The following RANBP17 variants were observed in gnomAD, a reference collection of about 807,000 sequenced individuals.
RANBP17 encodes the protein RAN binding protein 17.
RANBP17 carries 158 observed loss-of-function variants against 141.2 expected under a neutral mutation model. That is an observed-to-expected ratio of 1.12 (90% CI 0.98 to 1.28). The LOEUF (loss-of-function observed/expected upper bound fraction) is 1.28, where lower values mean the gene tolerates loss of function less well. Ranked by LOEUF, RANBP17 falls within the 50% of genes most tolerant of loss-of-function variation. The pLI is 0.00. For missense variants in RANBP17, 1,438 were observed against 1,290.7 expected, an observed-to-expected ratio of 1.11 and a Z score of -1.75; for synonymous variants, 430 against 450.0, an observed-to-expected ratio of 0.96 and a Z score of 0.56.
intron 14 of RANBP17, among the ~76,000 whole-genome samples, chr5:171,005,764 A>G (rs1452126985): frequency 2.0e-5 from 3 of 152,224 alleles, no homozygotes; most frequent in South Asian, 4.1e-4. Context: ...TAAACTAAAG[A>G]GCTTCTGCAC....
In RANBP17 at chr5:171,205,612, T is replaced by A. The variant is rs1377414942; in HGVS notation, c.2231T>A (p.Met744Lys). Residue 744 changes from methionine to lysine, a missense_variant and splice_region_variant, in exon 20 of 28, where the codon ATG becomes AAG. Transcript: ENST00000523189. Reference sequence around the variant, plus strand: ...AGCTACACCATGCTGTTTGACTGGATGTATCCTTATTACACTGTGACAATA... The same window carrying A: ...AGCTACACCATGCTGTTTGACTGGAAGTATCCTTATTACACTGTGACAATA... The part of the protein sequence containing the change: ...KTSYTMLFDW[M>K]YPTYLPLLQN... 6.2e-7 allele frequency: 1 copy of A among 1,611,408 alleles called. No individual in the cohort carries two copies. Among genetic ancestry groups the A allele is most frequent in the Admixed American group, 1.7e-5 (1 of 59,976 alleles).
chr5:171,078,319 C>T (rs189506285), intron 14 of RANBP17, among the ~76,000 whole-genome samples: 6 of 152,056 alleles, frequency 3.9e-5, no homozygotes, highest in African/African-American at 7.2e-5. Context: ...CCTGCCACCA[C>T]GCCCAGCTAA....
At chr5:170,920,773 T>G (rs1336625191) in intron 11 of RANBP17, among the ~76,000 whole-genome samples, 1 of 152,192 alleles carries the variant, frequency 6.6e-6, no homozygotes, top group Non-Finnish European at 1.5e-5. Context: ...TTCCTGACTT[T>G]TTAATGATCA....
intron 14 of RANBP17, among the ~76,000 whole-genome samples, chr5:171,146,501 T>G (rs1353779499): frequency 6.6e-6 from 1 of 152,090 alleles, no homozygotes; most frequent in Non-Finnish European, 1.5e-5. Context: ...TGGTAATTGT[T>G]GGGACAGAAA....
intron 25 of RANBP17, among the ~76,000 whole-genome samples, chr5:171,287,777 A>C (rs1036007610): frequency 6.6e-6 from 1 of 152,026 alleles, no homozygotes; most frequent in African/African-American, 2.4e-5. Context: ...CGCAGACTGG[A>C]GTACAGTGGC....
At chr5:170,863,116 C>T (rs926882496) in intron 1 of RANBP17, among the ~76,000 whole-genome samples, 2 of 152,110 alleles carry the variant, frequency 1.3e-5, no homozygotes, top group Non-Finnish European at 2.9e-5. Context: ...AGGGAACTTG[C>T]AGTCTACTGG....
Position 171,175,616 on chromosome 5 carries a change from G to A in RANBP17, c.1865+4330G>A, listed in dbSNP as rs556968571. Reference sequence around the variant, plus strand: ...AAAACAACCCCATCAAAAAGTGGGCGAAGGATAGGAACAGACACTTCTCAA... The same window carrying A: ...AAAACAACCCCATCAAAAAGTGGGCAAAGGATAGGAACAGACACTTCTCAA... On this transcript the variant is annotated intron_variant, in intron 16 of 27. Transcript: ENST00000523189. Among the ~76,000 whole-genome samples, 53 of 152,112 alleles carry A rather than the reference G, an allele frequency of 3.5e-4. No homozygotes were observed. In the East Asian group the frequency reaches 4.6e-3, roughly 13 times the overall value.
chr5:171,162,621 C>T (rs1208707509), intron 14 of RANBP17, among the ~76,000 whole-genome samples: 1 of 152,126 alleles, frequency 6.6e-6, no homozygotes, highest in Non-Finnish European at 1.5e-5. Flanking sequence ...GAAACTGACT[C>T]AGAAATATCT....
At chr5:171,166,944 G>T (rs146153759) in intron 14 of RANBP17, among the ~76,000 whole-genome samples, 2 of 152,294 alleles carry the variant, frequency 1.3e-5, no homozygotes, top group African/African-American at 4.8e-5. Context: ...ACTCAAGCTT[G>T]ACTGTCAGAT....
Position 171,221,788 on chromosome 5 carries a change from TCCTAA to T in RANBP17, c.2371_2375del (p.Pro791TrpfsTer9), listed in dbSNP as rs767268265. On this transcript the variant is annotated frameshift_variant, in exon 22 of 28. Coordinates refer to ENST00000523189, the MANE Select transcript of RANBP17 (RefSeq NM_022897.5). LOFTEE classifies it high-confidence loss of function. Reference sequence around the variant, plus strand: ...AGCGTTTGAATTTTGATGTATCATCTCCTAATGGAATTCTTCTCTTCAGAGAAGCT... The same window carrying T: ...AGCGTTTGAATTTTGATGTATCATCTTGGAATTCTTCTCTTCAGAGAAGCT... 1 of 1,611,584 alleles carries T rather than the reference TCCTAA, an allele frequency of 6.2e-7. No individual in the cohort carries two copies. The highest frequency in any genetic ancestry group is 1.7e-5 in the Admixed American group (1 of 59,966).
intron 13 of RANBP17, among the ~76,000 whole-genome samples, chr5:170,954,661 G>T (rs1775467244): frequency 6.6e-6 from 1 of 151,322 alleles, no homozygotes; most frequent in African/African-American, 2.4e-5. Context: ...GGAATTTTAG[G>T]TTGTTCCTCA....
At chr5:171,126,441 A>C (rs1329321567) in intron 14 of RANBP17, among the ~76,000 whole-genome samples, 1 of 152,176 alleles carries the variant, frequency 6.6e-6, no homozygotes, top group Non-Finnish European at 1.5e-5. Context: ...CCAAACCCCA[A>C]ATTAGTTGAA....
chr5:170,899,282 A>G (rs757926734), intron 5 of RANBP17, among the ~76,000 whole-genome samples: 10 of 152,150 alleles, frequency 6.6e-5, no homozygotes, highest in Non-Finnish European at 1.3e-4. Context: ...CTTTGTATCA[A>G]TTGTGAATGG....
At chr5:170,922,557 C>T (rs572556903) in intron 11 of RANBP17, among the ~76,000 whole-genome samples, 36 of 152,278 alleles carry the variant, frequency 2.4e-4, no homozygotes, top group Middle Eastern at 3.4e-3. Context: ...GCTGCAGCAT[C>T]GCAGTTTGAT....
At chr5:171,090,990 G>A (rs1164811765) in intron 14 of RANBP17, among the ~76,000 whole-genome samples, 1 of 152,192 alleles carries the variant, frequency 6.6e-6, no homozygotes, top group Non-Finnish European at 1.5e-5. Flanking sequence ...GGAAATGTGG[G>A]GTCAGAGCTC....
intron 26 of RANBP17, 50 bp downstream of exon 26, chr5:171,294,031 G>T (rs1007792236): frequency 1.5e-6 from 2 of 1,298,760 alleles, no homozygotes; most frequent in African/African-American, 1.5e-5. Flanking sequence ...GGAGAAGAGA[G>T]CAGCTATAAG....
At chr5:170,965,179 G>A (rs1485655079) in intron 13 of RANBP17, among the ~76,000 whole-genome samples, 2 of 151,926 alleles carry the variant, frequency 1.3e-5, no homozygotes, top group Non-Finnish European at 2.9e-5. Flanking sequence ...TGTGTCTTTT[G>A]GCTGCATAAA....
intron 14 of RANBP17, among the ~76,000 whole-genome samples, chr5:171,137,648 AATTG>A (rs1236951846): frequency 6.9e-6 from 1 of 144,560 alleles, no homozygotes; most frequent in African/African-American, 2.5e-5. Flanking sequence ...GTATTCCCCT[AATTG>A]ATAAACTATA....
At chr5:171,049,512 G>A (rs1443991752) in intron 14 of RANBP17, among the ~76,000 whole-genome samples, 1 of 152,108 alleles carries the variant, frequency 6.6e-6, no homozygotes, top group Non-Finnish European at 1.5e-5. Flanking sequence ...TGTTGCATTT[G>A]CTTTTGATAT....
Sources: gnomAD v4.1 joint callset for allele counts (sites outside exome capture counted in the v4.1 genomes callset) on GRCh38, gnomAD v4.1.1 for gene constraint, MANE v1.5 for transcripts, NCBI Gene and HGNC (gene_info 2026-07-23, HGNC 2026-07-21) for gene names.